Variants in MSRA observed in about 807,000 individuals in gnomAD.
The protein encoded by MSRA is mitochondrial peptide methionine sulfoxide reductase.
Under a neutral mutation model 31.3 loss-of-function variants are expected in MSRA, and 54 were observed. The observed-to-expected ratio is 1.73, with a 90% confidence interval of 1.39 to 2.17. MSRA has a LOEUF of 2.17. MSRA is among the 30% of genes most tolerant of loss of function. The probability of loss-of-function intolerance (pLI) is 0.00; values close to 1 mark genes in which losing one functional copy is unlikely to be tolerated. For synonymous variants in MSRA, 169 were observed against 116.5 expected, an observed-to-expected ratio of 1.45 and a Z score of -2.90; for missense variants, 507 against 300.9, an observed-to-expected ratio of 1.69 and a Z score of -5.07.
Position 10,068,990 on chromosome 8 carries a change from C to G in MSRA, c.142+14332C>G, listed in dbSNP as rs547719977. On this transcript the variant is annotated intron_variant, in intron 1 of 5. Coordinates refer to ENST00000317173, the MANE Select transcript of MSRA (RefSeq NM_012331.5). The stretch of plus-strand genomic sequence containing the variant: ...TTTAGTCTTGTTCTTAGGGATCTTG[C>G]ACATATTTTATTAATACCAAAATAT... 2.0e-5 allele frequency among the ~76,000 whole-genome samples: 3 copies of G among 152,288 alleles called. No individual in the cohort carries two copies. The East Asian group carries it at 5.8e-4, about 29-fold the overall frequency.
intron 1 of MSRA, among the ~76,000 whole-genome samples, chr8:10,197,653 T>A (rs1274505248): frequency 6.6e-6 from 1 of 152,142 alleles, no homozygotes; most frequent in African/African-American, 2.4e-5. Context: ...GTGGGGCAGA[T>A]ATGGGTTCCC....
chr8:10,144,920 C>T (rs1446283354), intron 1 of MSRA, among the ~76,000 whole-genome samples: 1 of 151,742 alleles, frequency 6.6e-6, no homozygotes, highest in Non-Finnish European at 1.5e-5. Context: ...TTGGACTTTG[C>T]AAAGACTCTG....
At chr8:10,417,068 T>G (rs13258627) in intron 5 of MSRA, among the ~76,000 whole-genome samples, 1 of 152,046 alleles carries the variant, frequency 6.6e-6, no homozygotes, top group African/African-American at 2.4e-5. Flanking sequence ...GCGCTGCAGC[T>G]GTACGAAGAA....
rs1033772457 is a variant in MSRA at position 10,284,114 on chromosome 8, G to A, written c.332-17420G>A. Among the ~76,000 whole-genome samples, 3 of 152,012 alleles carry A rather than the reference G, an allele frequency of 2.0e-5. No individual in the cohort carries two copies. The East Asian group carries it at 5.8e-4, about 29-fold the overall frequency. ...AGTGGTTGTACTAGTTTACATTCCT[G>A]CCACTGCTTTTCTGCTTTTCTTGAG... On this transcript the variant is annotated intron_variant, in intron 3 of 5. Transcript: ENST00000317173.
intron 2 of MSRA, among the ~76,000 whole-genome samples, chr8:10,216,539 C>A (rs1388320539): frequency 6.6e-6 from 1 of 152,186 alleles, no homozygotes; most frequent in African/African-American, 2.4e-5. Context: ...ATTTTATCTT[C>A]TCAAAGGGAA....
chr8:10,095,844 T>G (rs1214677123), intron 1 of MSRA: 2 of 1,258,026 alleles, frequency 1.6e-6, no homozygotes, highest in Non-Finnish European at 1.0e-6. Flanking sequence ...GCTTCCATAG[T>G]GTCCATGCAT....
intron 3 of MSRA, among the ~76,000 whole-genome samples, chr8:10,251,284 G>T (rs1475731117): frequency 1.3e-5 from 2 of 152,006 alleles, no homozygotes; most frequent in Non-Finnish European, 2.9e-5. Context: ...TACATGAGAT[G>T]AATGATCCCA....
chr8:10,197,203 T>G (rs1040376654), intron 1 of MSRA, among the ~76,000 whole-genome samples: 1 of 152,228 alleles, frequency 6.6e-6, no homozygotes, highest in Non-Finnish European at 1.5e-5. Context: ...GGTGGTGAGA[T>G]TTCATAAAAG....
At chr8:10,226,705 ATGTTTGTTTGTT>A (rs113012077) in intron 2 of MSRA, among the ~76,000 whole-genome samples, 38 of 152,058 alleles carry the variant, frequency 2.5e-4, no homozygotes, top group African/African-American at 8.7e-4. Flanking sequence ...GTATATATAT[ATGTTTGTTTGTT>A]TGTTTGTTTG....
At chr8:10,301,485 A>T in intron 3 of MSRA, 49 bp from the exon 4 acceptor site, 1 of 1,444,736 alleles carries the variant, frequency 6.9e-7, no homozygotes, top group Non-Finnish European at 9.7e-7. Flanking sequence ...AACTTGCAAT[A>T]AATGGATGTT....
chr8:10,135,954 G>A (rs1263883115), intron 1 of MSRA, among the ~76,000 whole-genome samples: 2 of 152,290 alleles, frequency 1.3e-5, no homozygotes, highest in East Asian at 3.9e-4. Flanking sequence ...GATCCTTGGG[G>A]GCTGCGTGTT....
intron 1 of MSRA, among the ~76,000 whole-genome samples, chr8:10,127,944 G>A (rs1485014739): frequency 1.3e-5 from 2 of 152,048 alleles, no homozygotes; most frequent in East Asian, 1.9e-4. Context: ...TGCCACCAGG[G>A]CAGTGTTTCT....
intron 5 of MSRA, among the ~76,000 whole-genome samples, chr8:10,416,660 G>C (rs1018432162): frequency 6.6e-6 from 1 of 152,244 alleles, no homozygotes; most frequent in African/African-American, 2.4e-5. Context: ...GGGTGAGGGA[G>C]TTGGAGAGCA....
chr8:10,201,131 G>C (rs1464385460), intron 1 of MSRA, among the ~76,000 whole-genome samples: 1 of 152,126 alleles, frequency 6.6e-6, no homozygotes, highest in Non-Finnish European at 1.5e-5. Context: ...GGTGTTGACA[G>C]ATTTTTACCA....
At chr8:10,285,218 C>T (rs192503440) in intron 3 of MSRA, among the ~76,000 whole-genome samples, 190 of 152,298 alleles carry the variant, frequency 1.2e-3, no homozygotes, top group Non-Finnish European at 2.0e-3. Flanking sequence ...CATCCGCCTT[C>T]TCCGAGCCCT....
At chr8:10,274,395 AT>A (rs1411118728) in intron 3 of MSRA, among the ~76,000 whole-genome samples, 1 of 152,176 alleles carries the variant, frequency 6.6e-6, no homozygotes, top group African/African-American at 2.4e-5. Flanking sequence ...TTGGCATCCC[AT>A]GAGGGTTTTG....
At chr8:10,191,834 G>A (rs1485448860) in intron 1 of MSRA, among the ~76,000 whole-genome samples, 1 of 151,816 alleles carries the variant, frequency 6.6e-6, no homozygotes, top group Non-Finnish European at 1.5e-5. Context: ...ACACATTACT[G>A]TATTAATTTT....
chr8:10,222,730 C>G (rs1392712254), intron 2 of MSRA, among the ~76,000 whole-genome samples: 2 of 152,124 alleles, frequency 1.3e-5, no homozygotes, highest in Non-Finnish European at 2.9e-5. Flanking sequence ...TGAAATAAGC[C>G]AGGCATAGAA....
intron 1 of MSRA, among the ~76,000 whole-genome samples, chr8:10,192,136 G>T (rs913962340): frequency 6.6e-6 from 1 of 152,204 alleles, no homozygotes; most frequent in African/African-American, 2.4e-5. Flanking sequence ...GAACAAGAGA[G>T]CACCCAAGAT....
Sources: allele counts gnomAD v4.1 joint callset (sites outside exome capture counted in the v4.1 genomes callset), GRCh38; gene constraint gnomAD v4.1.1; transcripts MANE v1.5; gene names NCBI Gene and HGNC (gene_info 2026-07-23, HGNC 2026-07-21).